THSD7B: variants seen among roughly 807,000 people sequenced by gnomAD.
The protein encoded by THSD7B is thrombospondin type-1 domain-containing protein 7B.
In THSD7B, 138 loss-of-function variants were observed where a neutral mutation model predicts 213.6. That is an observed-to-expected ratio of 0.65 (90% CI 0.56 to 0.74). THSD7B has a LOEUF of 0.74. Ranked by LOEUF, THSD7B falls within the 30% of genes least tolerant of loss-of-function variation. THSD7B has a pLI of 0.00. For synonymous variants in THSD7B, 742 were observed against 687.0 expected (o/e 1.08, Z -1.25); for missense variants, 1,931 against 1,991.5 (o/e 0.97, Z 0.58).
chr2:136,774,711 A>C (rs1373137639), intron 1 of THSD7B, among the ~76,000 whole-genome samples: 1 of 152,164 alleles, frequency 6.6e-6, no homozygotes, highest in Non-Finnish European at 1.5e-5. Flanking sequence ...TTCATAAAGA[A>C]GAACTACCTT....
intron 1 of THSD7B, among the ~76,000 whole-genome samples, chr2:136,832,277 A>T (rs1682770620): frequency 6.6e-6 from 1 of 151,824 alleles, no homozygotes; most frequent in Non-Finnish European, 1.5e-5. Context: ...AAGTCCCATG[A>T]TATGCCATCT....
At chr2:137,584,765 G>A (rs1185306776) in intron 17 of THSD7B, among the ~76,000 whole-genome samples, 1 of 152,116 alleles carries the variant, frequency 6.6e-6, no homozygotes. Flanking sequence ...TTTTTGCATC[G>A]ATGTTCATAA....
intron 5 of THSD7B, among the ~76,000 whole-genome samples, chr2:137,144,021 C>T (rs1456156490): frequency 6.6e-6 from 1 of 151,996 alleles, no homozygotes; most frequent in Admixed American, 6.6e-5. Flanking sequence ...CTTAAACCAA[C>T]TTGACTCTAC....
rs1051518735 is a variant in THSD7B, at chr2:137,082,079, A to C, written c.951-12794A>C. ...TTTGAAGTCTGTATCTGGGTTCTGA[A>C]CTGCCAAGTTCCGAACTGTTTTCTG... On this transcript the variant is annotated intron_variant, in intron 3 of 27. Transcript: ENST00000409968. Among the ~76,000 whole-genome samples the C allele has an allele frequency of 5.3e-5, 8 of 152,104 alleles. No homozygotes were observed. In the East Asian group the frequency reaches 1.5e-3, roughly 29 times the overall value.
intron 1 of THSD7B, among the ~76,000 whole-genome samples, chr2:136,846,533 T>C (rs1683012611): frequency 1.3e-5 from 2 of 152,140 alleles, no homozygotes; most frequent in Admixed American, 6.6e-5. Flanking sequence ...ACTAAATAAT[T>C]AACATAAGAA....
chr2:137,515,192 C>T (rs1338246818), intron 15 of THSD7B, among the ~76,000 whole-genome samples: 3 of 152,148 alleles, frequency 2.0e-5, no homozygotes, highest in East Asian at 1.9e-4. Flanking sequence ...TGGGAGGACC[C>T]TGATGAAGCT....
intron 16 of THSD7B, among the ~76,000 whole-genome samples, chr2:137,567,225 A>G (rs963080596): frequency 8.0e-5 from 12 of 150,910 alleles, no homozygotes; most frequent in Non-Finnish European, 1.5e-4. Flanking sequence ...TTGGAGTGCA[A>G]TGGCGCAATC....
intron 22 of THSD7B, among the ~76,000 whole-genome samples, chr2:137,656,029 G>A (rs1683230583): frequency 6.6e-6 from 1 of 152,072 alleles, no homozygotes; most frequent in African/African-American, 2.4e-5. Flanking sequence ...AAAAAATGTT[G>A]GCTGAATTCT....
chr2:137,468,372 C>T (rs1482317100), intron 15 of THSD7B, among the ~76,000 whole-genome samples: 1 of 151,998 alleles, frequency 6.6e-6, no homozygotes, highest in Admixed American at 6.5e-5. Context: ...AGACATCAAA[C>T]ACTTAAAGCT....
chr2:136,965,415 A>G (rs10803553), intron 2 of THSD7B, among the ~76,000 whole-genome samples: 59,363 of 152,098 alleles, frequency 0.39, 13,126 homozygotes, highest in East Asian at 0.66. Flanking sequence ...ATAGAGGATC[A>G]GAGAAGTCCT....
intron 2 of THSD7B, among the ~76,000 whole-genome samples, chr2:137,054,515 G>A (rs762045751): frequency 1.3e-5 from 2 of 152,170 alleles, no homozygotes; most frequent in Non-Finnish European, 2.9e-5. Context: ...CAGATAACCT[G>A]CTTCTCTGGG....
chr2:137,358,206 A>C (rs1685176707), intron 12 of THSD7B, among the ~76,000 whole-genome samples: 1 of 152,210 alleles, frequency 6.6e-6, no homozygotes, highest in Non-Finnish European at 1.5e-5. Context: ...TTTTGTCTAC[A>C]AACCATTCTA....
intron 1 of THSD7B, among the ~76,000 whole-genome samples, chr2:136,821,920 A>C (rs925634016): frequency 2.0e-5 from 3 of 152,176 alleles, no homozygotes; most frequent in African/African-American, 7.2e-5. Flanking sequence ...GTAAGACTTC[A>C]ATAAATGTAT....
chr2:137,237,788 T>G (rs1681801715), intron 9 of THSD7B, among the ~76,000 whole-genome samples: 2 of 152,152 alleles, frequency 1.3e-5, no homozygotes. Flanking sequence ...ATAGACAATG[T>G]GTAGATAAAG....
intron 13 of THSD7B, among the ~76,000 whole-genome samples, chr2:137,406,758 A>G (rs766073015): frequency 1.3e-4 from 20 of 152,254 alleles, no homozygotes; most frequent in Non-Finnish European, 2.6e-4. Context: ...TTGTAAGTGT[A>G]GGTGAAATGC....
intron 7 of THSD7B, among the ~76,000 whole-genome samples, chr2:137,224,981 T>C (rs534745081): frequency 2.6e-5 from 4 of 152,350 alleles, no homozygotes; most frequent in Admixed American, 2.6e-4. Flanking sequence ...GTATTTTCTT[T>C]TTAATGTCTC....
At position 137,271,411 on chromosome 2, in the gene THSD7B, T is replaced by TC. The variant is rs1241354292; in HGVS notation, c.2267-1122_2267-1121insC. Among the ~76,000 whole-genome samples, 119 of 140,686 alleles carry TC rather than the reference T, an allele frequency of 8.5e-4. 2 individuals are homozygous for TC. In the East Asian group the frequency reaches 0.018, roughly 22 times the overall value. 92.3% of individuals were successfully genotyped at this position (140,686 alleles called of 152,430 possible). ...TATTATGAATTATATATATATGAAT[T>TC]ATAATATATAATTATATAATATATA... On this transcript the variant is annotated intron_variant, in intron 10 of 27. Transcript: ENST00000409968.
chr2:136,837,513 C>CT (rs1398623500), intron 1 of THSD7B, among the ~76,000 whole-genome samples: 1 of 152,216 alleles, frequency 6.6e-6, no homozygotes, highest in Non-Finnish European at 1.5e-5. Flanking sequence ...AGAGTGACTG[C>CT]TCTGTCTAAA....
Position 136,819,077 on chromosome 2 carries a change from C to T in THSD7B, c.-36+53390C>T, listed in dbSNP as rs76262924. Among the ~76,000 whole-genome samples, 549 of 152,184 alleles carry T rather than the reference C, an allele frequency of 3.6e-3. 24 individuals are homozygous for T. The East Asian group carries it at 0.079, about 22-fold the overall frequency. ...GCTCTGTGCTTAATACTTTGTTTTGCTTATTTCATCTGGATCCTCCAGTGT... is the reference window on the plus strand; with the variant it reads ...GCTCTGTGCTTAATACTTTGTTTTGTTTATTTCATCTGGATCCTCCAGTGT... On this transcript the variant is annotated intron_variant, in intron 1 of 27. Transcript: ENST00000409968.
Sources: allele counts gnomAD v4.1 joint callset (sites outside exome capture counted in the v4.1 genomes callset), GRCh38; gene constraint gnomAD v4.1.1; transcripts MANE v1.5; gene names NCBI Gene and HGNC (gene_info 2026-07-23, HGNC 2026-07-21).